The following ROBO1 variants were observed in gnomAD, a reference collection of about 807,000 sequenced individuals.
ROBO1 encodes roundabout guidance receptor 1, also known as roundabout homolog 1.
A neutral mutation model predicts 195.9 loss-of-function variants in ROBO1; 149 were observed. The ratio of observed to expected loss-of-function variants is 0.76; its 90% confidence interval spans 0.67 to 0.87. The LOEUF is 0.87. Among genes scored for constraint, ROBO1 ranks in the 40% least tolerant of loss-of-function variants. ROBO1 has a pLI of 0.00. For synonymous variants in ROBO1, 816 were observed against 733.2 expected, an observed-to-expected ratio of 1.11 and a Z score of -1.82; for missense variants, 1,933 against 2,068.3, an observed-to-expected ratio of 0.93 and a Z score of 1.27.
At chr3:79,427,147 T>A (rs1377126232) in intron 2 of ROBO1, among the ~76,000 whole-genome samples, 1 of 152,188 alleles carries the variant, frequency 6.6e-6, no homozygotes, top group African/African-American at 2.4e-5. Flanking sequence ...TCTTTTACAT[T>A]CAATCAAAAC....
At chr3:79,034,894 G>A (rs776376172) in intron 3 of ROBO1, among the ~76,000 whole-genome samples, 18 of 152,032 alleles carry the variant, frequency 1.2e-4, no homozygotes, top group Non-Finnish European at 2.1e-4. Flanking sequence ...TAGAATATGT[G>A]AGCCCAATTT....
At chr3:79,344,977 A>G (rs545320069) in intron 2 of ROBO1, among the ~76,000 whole-genome samples, 3 of 152,246 alleles carry the variant, frequency 2.0e-5, no homozygotes, top group South Asian at 4.1e-4. Flanking sequence ...CACCATGATT[A>G]TAAGTTTCCT....
chr3:78,742,120 A>G (rs1325224910), intron 5 of ROBO1, among the ~76,000 whole-genome samples: 1 of 152,074 alleles, frequency 6.6e-6, no homozygotes, highest in African/African-American at 2.4e-5. Flanking sequence ...CAGCTGGGAG[A>G]GGTGTACTTT....
Position 79,199,671 on chromosome 3 carries a change from C to T in ROBO1, c.89-74132G>A, listed in dbSNP as rs571851867. Among the ~76,000 whole-genome samples, 20 of 151,752 alleles carry T rather than the reference C, an allele frequency of 1.3e-4. No homozygotes were observed. The South Asian group carries it at 3.7e-3, about 28-fold the overall frequency. ...GCCACAGTAGTTAAAATAACATTTC[C>T]ATGAGACACATATTTTTAGAATGTT... On this transcript the variant is annotated intron_variant, in intron 2 of 30. Coordinates refer to ENST00000464233, the MANE Select transcript of ROBO1 (RefSeq NM_002941.4).
intron 5 of ROBO1, among the ~76,000 whole-genome samples, chr3:78,740,475 TTTC>T (rs869210470): frequency 1.3e-4 from 20 of 148,986 alleles, no homozygotes; most frequent in Admixed American, 3.4e-4. Flanking sequence ...TCTTTCTTTC[TTTC>T]TTTTTTTTTT....
At chr3:79,031,479 G>C (rs2078294856) in intron 3 of ROBO1, among the ~76,000 whole-genome samples, 1 of 152,190 alleles carries the variant, frequency 6.6e-6, no homozygotes, top group South Asian at 2.1e-4. Flanking sequence ...TGCATATGTA[G>C]AATAATAACG....
At chr3:78,955,378 G>A (rs374959535) in intron 3 of ROBO1, among the ~76,000 whole-genome samples, 4 of 151,912 alleles carry the variant, frequency 2.6e-5, no homozygotes, top group East Asian at 1.9e-4. Context: ...TTCACCCTCC[G>A]GTAAACCCCA....
At chr3:78,637,285 G>C (rs1705581903) in intron 22 of ROBO1, among the ~76,000 whole-genome samples, 1 of 152,006 alleles carries the variant, frequency 6.6e-6, no homozygotes, top group South Asian at 2.1e-4. Context: ...AACCGTCAGG[G>C]AACAGAAATA....
chr3:79,087,506 T>TCTTC (rs759788800), intron 3 of ROBO1, among the ~76,000 whole-genome samples: 31 of 151,854 alleles, frequency 2.0e-4, no homozygotes, highest in African/African-American at 5.8e-4. Context: ...AGCTTCTTTC[T>TCTTC]CTTCCTTCCT....
At position 78,614,731 on chromosome 3, in the gene ROBO1, C is replaced by T; in HGVS notation, c.4352G>A (p.Ser1451Asn). Reference sequence around the variant, plus strand: ...TCTGGTTTTCTGCATTACGGCGGCACTCATGTTGCTGTCTGTAGACACGGG... The same window carrying T: ...TCTGGTTTTCTGCATTACGGCGGCATTCATGTTGCTGTCTGTAGACACGGG... ...TSPVSTDSNM[S>N]AAVMQKTRPA... Residue 1451 changes from serine to asparagine, a missense_variant, in exon 28 of 31, where the codon AGT becomes AAT. Transcript: ENST00000464233. 1 of 1,613,176 alleles carries T rather than the reference C, an allele frequency of 6.2e-7. No individual in the cohort carries two copies. Among genetic ancestry groups the T allele is most frequent in the Admixed American group, 1.7e-5 (1 of 59,906 alleles).
At chr3:79,684,837 G>A (rs1226142532) in intron 1 of ROBO1, among the ~76,000 whole-genome samples, 1 of 151,866 alleles carries the variant, frequency 6.6e-6, no homozygotes, top group East Asian at 1.9e-4. Context: ...TGCCACACCA[G>A]GTTAATTTTT....
At chr3:79,018,681 C>G (rs992242016) in intron 3 of ROBO1, 2 of 1,369,212 alleles carry the variant, frequency 1.5e-6, no homozygotes, top group African/African-American at 2.9e-5. Context: ...TTTGTCTTCT[C>G]CGGCCCCAGG....
At chr3:79,504,342 T>C (rs973893153) in intron 2 of ROBO1, among the ~76,000 whole-genome samples, 25 of 152,186 alleles carry the variant, frequency 1.6e-4, no homozygotes, top group African/African-American at 5.5e-4. Context: ...CTAATATAAA[T>C]GTATAAATAT....
At chr3:79,260,498 C>T (rs1207624117) in intron 2 of ROBO1, among the ~76,000 whole-genome samples, 1 of 152,034 alleles carries the variant, frequency 6.6e-6, no homozygotes, top group Admixed American at 6.6e-5. Context: ...TTCAAATGTT[C>T]CTTACAGAAA....
rs562405440 is a variant in ROBO1 at position 78,598,552 on chromosome 3, T to C, written c.*361A>G. ...GATCAATATCTTGCTATAAATTAGCTTGGCATATAAGCAGTGCAATGCCAT... is the reference window on the plus strand; with the variant it reads ...GATCAATATCTTGCTATAAATTAGCCTGGCATATAAGCAGTGCAATGCCAT... On this transcript the variant is annotated 3_prime_UTR_variant, in exon 31 of 31. Coordinates refer to ENST00000464233, the MANE Select transcript of ROBO1 (RefSeq NM_002941.4). The C allele has an allele frequency of 3.8e-5, 7 of 183,258 alleles. No homozygotes were observed. Among genetic ancestry groups the C allele is most frequent in the South Asian group, 3.9e-4 (2 of 5,126 alleles). The allele number at this position is 183,258 out of a possible 1,614,324, so 11.4% of individuals were successfully genotyped here.
intron 4 of ROBO1, among the ~76,000 whole-genome samples, chr3:78,800,388 C>T (rs1013085026): frequency 2.6e-5 from 4 of 152,026 alleles, no homozygotes; most frequent in Admixed American, 6.6e-5. Context: ...GAGTAATGAA[C>T]AATTTTAATG....
At chr3:78,794,740 G>A (rs1226994396) in intron 4 of ROBO1, among the ~76,000 whole-genome samples, 1 of 152,008 alleles carries the variant, frequency 6.6e-6, no homozygotes, top group Non-Finnish European at 1.5e-5. Flanking sequence ...GTACCATCAT[G>A]CCTGGCTAAT....
intron 2 of ROBO1, among the ~76,000 whole-genome samples, chr3:79,383,237 T>C (rs2036630231): frequency 6.6e-6 from 1 of 152,114 alleles, no homozygotes; most frequent in Non-Finnish European, 1.5e-5. Flanking sequence ...AAATGCTGCA[T>C]AGAGATTTTG....
In ROBO1 at chr3:78,958,616, A is replaced by C. The variant is rs2041165954; in HGVS notation, c.173-19689T>G. Among the ~76,000 whole-genome samples the C allele has an allele frequency of 4.6e-5, 7 of 151,390 alleles. No individual in the cohort carries two copies. The South Asian group carries it at 1.5e-3, about 31-fold the overall frequency. On this transcript the variant is annotated intron_variant, in intron 3 of 30. Transcript: ENST00000464233. ...ACTTTCAAATAAAACTATATATTAA[A>C]AAAATCCACGATTTCAAGTTTATCG...
Sources: gnomAD v4.1 joint callset for allele counts (sites outside exome capture counted in the v4.1 genomes callset) on GRCh38, gnomAD v4.1.1 for gene constraint, MANE v1.5 for transcripts, NCBI Gene and HGNC (gene_info 2026-07-23, HGNC 2026-07-21) for gene names.